ANHX: variants seen among roughly 807,000 people sequenced by gnomAD.
ANHX encodes the protein anomalous homeobox.
In ANHX, 20 loss-of-function variants were observed where a neutral mutation model predicts 38.9. The ratio of observed to expected loss-of-function variants is 0.51; its 90% CI spans 0.36 to 0.75. The LOEUF (loss-of-function observed/expected upper bound fraction) is 0.75, where lower values mean the gene tolerates loss of function less well. ANHX is among the 30% of genes least tolerant of loss of function. The pLI is 0.00. For missense variants in ANHX, 475 were observed against 493.1 expected (o/e 0.96, Z 0.35); for synonymous variants, 185 against 203.1 (o/e 0.91, Z 0.76).
chr12:133,232,937 TACAA>T (rs1311892265), intron 2 of ANHX, among the ~76,000 whole-genome samples: 2 of 151,804 alleles, frequency 1.3e-5, no homozygotes, highest in African/African-American at 4.9e-5. Flanking sequence ...ACCTTCTAGT[TACAA>T]ACAGAGGCAG....
Position 133,222,320 on chromosome 12 carries a change from A to G in ANHX, c.1133-968T>C, listed in dbSNP as rs529795130. Among the ~76,000 whole-genome samples the G allele has an allele frequency of 1.1e-4, 16 of 152,310 alleles. No homozygotes were observed. The East Asian group carries it at 2.5e-3, about 24-fold the overall frequency. ...TGCAGTCAGGACGCAAGTGCAGCCC[A>G]TGGTGATGGGGTGTCTGGCAGGGAG... On this transcript the variant is annotated intron_variant, in intron 7 of 9. Transcript: ENST00000545940.
Position 133,226,366 on chromosome 12 carries a change from G to A in ANHX, c.791C>T (p.Ala264Val), listed in dbSNP as rs1051893389. The change falls in exon 6 of 10, where the codon GCC becomes GTC. Residue 264 changes from alanine (A) to valine (V), a missense_variant. Physicochemically the swap from Ala to Val is moderately conservative, Grantham distance 64. Transcript: ENST00000545940. ...TGTCTCATCTGCGGGAAAGTCCGGGGCTAAGGCCAGTGGCTCCCATGGTCC... is the reference window on the plus strand; with the variant it reads ...TGTCTCATCTGCGGGAAAGTCCGGGACTAAGGCCAGTGGCTCCCATGGTCC... ...TQGPWEPLAL[A>V]PDFPADETVS... The A allele has an allele frequency of 3.3e-6, 5 of 1,536,258 alleles. No homozygotes were observed. Among genetic ancestry groups the A allele is most frequent in the Non-Finnish European group, 2.6e-6 (3 of 1,146,908 alleles).
At chr12:133,223,438 C>T in intron 7 of ANHX, among the ~76,000 whole-genome samples, 1 of 146,478 alleles carries the variant, frequency 6.8e-6, no homozygotes, top group African/African-American at 2.5e-5. Flanking sequence ...TTACAGGAGA[C>T]TTTATTCTTT....
At chr12:133,234,504 G>T in intron 1 of ANHX, 126 bp from the exon 2 acceptor site, 2 of 1,086,136 alleles carry the variant, frequency 1.8e-6, no homozygotes, top group Non-Finnish European at 2.6e-6. Flanking sequence ...TGTAGAGTAG[G>T]AATAAGACCT....
rs558755525 is a variant in ANHX, at chr12:133,232,456, C to T, written c.250-812G>A. Among the ~76,000 whole-genome samples, 60 of 152,272 alleles carry T rather than the reference C, an allele frequency of 3.9e-4. No homozygotes were observed. In the South Asian group the frequency reaches 0.011, roughly 28 times the overall value. ...GGCATCAGAGAGGCCCAGTCTTGCT[C>T]GGCAGTGACCCCTCAGAGCCGACGG... is the stretch of plus-strand genomic sequence containing the variant. On this transcript the variant is annotated intron_variant, in intron 2 of 9. Coordinates refer to ENST00000545940, the MANE Select transcript of ANHX (RefSeq NM_001372060.1).
rs996678280 is a variant in ANHX, at chr12:133,231,519, C to A, written c.375G>T (p.Lys125Asn). 6.5e-7 allele frequency: 1 copy of A among 1,536,160 alleles called. No individual in the cohort carries two copies. Among genetic ancestry groups the A allele is most frequent in the Non-Finnish European group, 8.7e-7 (1 of 1,146,904 alleles). The change falls in exon 3 of 10, where the codon AAG becomes AAT. Residue 125 changes from lysine (K) to asparagine (N), a missense_variant and splice_region_variant. Coordinates refer to ENST00000545940, the MANE Select transcript of ANHX (RefSeq NM_001372060.1). The part of the protein sequence containing the change: ...LTPVQKFRCR[K>N]RNPPPPSLCP... Reference sequence around the variant, plus strand: ...ACAAGTAAATGCTTGTAGGTTACCTCTTCCTGCAGCGGAACTTCTGCACCG... The same window carrying A: ...ACAAGTAAATGCTTGTAGGTTACCTATTCCTGCAGCGGAACTTCTGCACCG...
At chr12:133,231,403 T>G in intron 3 of ANHX, 114 bp downstream of exon 3, 1 of 1,397,688 alleles carries the variant, frequency 7.2e-7, no homozygotes, top group Non-Finnish European at 9.6e-7. Context: ...GGCGGACATT[T>G]CCTGTCCCTA....
In ANHX at chr12:133,218,331, C is replaced by T. The variant is rs1396338045; in HGVS notation, c.*554G>A. ...CAAGGGGGGAGTTCAAAACATTAAA[C>T]TTTAATTGACTACAACATTTGTGTC... On this transcript the variant is annotated 3_prime_UTR_variant, in exon 10 of 10. Transcript: ENST00000545940. 1.3e-5 allele frequency: 2 copies of T among 152,244 alleles called. No homozygotes were observed. The highest frequency in any genetic ancestry group is 4.8e-5 in the African/African-American group (2 of 41,444). The allele number at this position is 152,244 out of a possible 1,614,324, so 9.4% of individuals were successfully genotyped here.
rs1957187213 is a variant in ANHX at position 133,226,301 on chromosome 12, C to T, written c.839+17G>A. On this transcript the variant is annotated intron_variant, in intron 6 of 9. Transcript: ENST00000545940. ...TGAATAGGTGAGATGATTCCATGGC[C>T]ATGGAGATGACAGTACCTGACATCC... 6.5e-7 allele frequency: 1 copy of T among 1,536,116 alleles called. No individual in the cohort carries two copies. Among genetic ancestry groups the T allele is most frequent in the Admixed American group, 2.0e-5 (1 of 50,988 alleles).
chr12:133,235,866 G>T lies in ANHX; in HGVS notation c.-82C>A, dbSNP rs1218652501. 2 of 152,026 alleles carry T rather than the reference G, an allele frequency of 1.3e-5. No individual in the cohort carries two copies. Among genetic ancestry groups the T allele is most frequent in the African/African-American group, 4.8e-5 (2 of 41,352 alleles). 9.4% of individuals were successfully genotyped at this position (152,026 alleles called of 1,614,324 possible). On this transcript the variant is annotated 5_prime_UTR_variant, in exon 1 of 10. Transcript: ENST00000545940. ...TTGGCGCGCACCCGGGGCTGGCGAG[G>T]AGGCGCTGGGCAGCACAGAAGGTGC...
At position 133,234,261 on chromosome 12, in the gene ANHX, G is replaced by A. The variant is rs946707788; in HGVS notation, c.96C>T (p.Phe32=). The change falls in exon 2 of 10, where the codon TTC becomes TTT. Residue 32 remains phenylalanine (F), a synonymous_variant. Transcript: ENST00000545940. ...VTLAGRLCRD[F]QDDLAQLQPL... is the part of the protein sequence containing the mutation. ...GCTGCAGTTGGGCAAGGTCATCCTG[G>A]AAGTCCCGGCACAGTCTGCCCGCAA... The A allele has an allele frequency of 6.5e-7, 1 of 1,536,048 alleles. No homozygotes were observed. Among genetic ancestry groups the A allele is most frequent in the African/African-American group, 1.4e-5 (1 of 73,054 alleles).
chr12:133,231,444 C>A lies in ANHX; in HGVS notation c.377+73G>T, dbSNP rs948626507. 3 of 1,523,098 alleles carry A rather than the reference C, an allele frequency of 2.0e-6. No individual in the cohort carries two copies. In the African/African-American group the frequency reaches 4.1e-5, roughly 21 times the overall value. 94.3% of individuals were successfully genotyped at this position (1,523,098 alleles called of 1,614,324 possible). A position where few individuals can be genotyped will look rare whatever the true frequency, so the allele number is the denominator to read the frequency against. On this transcript the variant is annotated intron_variant, in intron 3 of 9. Coordinates refer to ENST00000545940, the MANE Select transcript of ANHX (RefSeq NM_001372060.1). ...TCACCTCCACTTTGCTTCAGCCCCT[C>A]TGGGCTTTGCATGGTACATCTAATC...
At chr12:133,231,833 G>T (rs1474769222) in intron 2 of ANHX, among the ~76,000 whole-genome samples, 189 bp from the exon 3 acceptor site, 2 of 152,162 alleles carry the variant, frequency 1.3e-5, no homozygotes, top group African/African-American at 4.8e-5. Context: ...GAGTCAGATG[G>T]CCCCCGCTCC....
At chr12:133,224,362 T>C (rs1004843453) in intron 7 of ANHX, among the ~76,000 whole-genome samples, 1 of 152,190 alleles carries the variant, frequency 6.6e-6, no homozygotes, top group Non-Finnish European at 1.5e-5. Context: ...CCATAGAATA[T>C]TAAATATAGG....
chr12:133,227,790 G>A, intron 4 of ANHX, 34 bp downstream of exon 4: 2 of 1,534,088 alleles, frequency 1.3e-6, no homozygotes, highest in Non-Finnish European at 1.7e-6. Flanking sequence ...ACCAGGCAGG[G>A]ACCCCCTGGG....
At chr12:133,222,566 C>T (rs1957125051) in intron 7 of ANHX, among the ~76,000 whole-genome samples, 1 of 152,136 alleles carries the variant, frequency 6.6e-6, no homozygotes, top group Non-Finnish European at 1.5e-5. Flanking sequence ...CGTCCCCACG[C>T]CAGCCTCGTC....
chr12:133,226,228 CT>C (rs1215700852), intron 6 of ANHX, 89 bp downstream of exon 6: 19 of 1,529,898 alleles, frequency 1.2e-5, no homozygotes, highest in Middle Eastern at 1.7e-4. Context: ...TCCTGTCACC[CT>C]TAGGCCTACT....
intron 2 of ANHX, among the ~76,000 whole-genome samples, chr12:133,232,969 CG>C (rs377502132): frequency 0.063 from 9,573 of 151,894 alleles, 1,005 homozygotes; most frequent in African/African-American, 0.22. Flanking sequence ...AAAGGGGTAA[CG>C]GGGGGGCAAT....
At chr12:133,233,855 C>G (rs936682143) in intron 2 of ANHX, among the ~76,000 whole-genome samples, 1 of 152,198 alleles carries the variant, frequency 6.6e-6, no homozygotes, top group African/African-American at 2.4e-5. Context: ...TGTCACAGAT[C>G]ACCACTCAAT....
Sources: allele counts gnomAD v4.1 joint callset (sites outside exome capture counted in the v4.1 genomes callset), GRCh38; gene constraint gnomAD v4.1.1; transcripts MANE v1.5; gene names NCBI Gene and HGNC (gene_info 2026-07-23, HGNC 2026-07-21).